PAAF1: variants seen among roughly 807,000 people sequenced by gnomAD.
PAAF1 encodes proteasomal ATPase associated factor 1, also known as proteasomal ATPase-associated factor 1.
In PAAF1, 46 loss-of-function variants were observed where a neutral mutation model predicts 52.8. The ratio of observed to expected loss-of-function variants is 0.87; its 90% CI spans 0.69 to 1.11. PAAF1 has a LOEUF of 1.11. Among genes scored for constraint, PAAF1 ranks in the 50% most tolerant of loss-of-function variants. The pLI is 0.00. For synonymous variants in PAAF1, 178 were observed against 172.8 expected (o/e 1.03, Z -0.24); for missense variants, 424 against 477.4 (o/e 0.89, Z 1.04).
At chr11:73,892,158 A>G (rs953285920) in intron 4 of PAAF1, among the ~76,000 whole-genome samples, 2 of 152,054 alleles carry the variant, frequency 1.3e-5, no homozygotes, top group Non-Finnish European at 2.9e-5. Flanking sequence ...CTCTGTCTCT[A>G]CAGAAAAATA....
At chr11:73,915,428 C>G (rs1464474137) in intron 8 of PAAF1, among the ~76,000 whole-genome samples, 1 of 152,054 alleles carries the variant, frequency 6.6e-6, no homozygotes, top group Admixed American at 6.6e-5. Flanking sequence ...GCAAAAAAAC[C>G]CATCTCTATT....
At chr11:73,894,670 A>T (rs918466275) in intron 4 of PAAF1, among the ~76,000 whole-genome samples, 5 of 152,136 alleles carry the variant, frequency 3.3e-5, no homozygotes, top group Non-Finnish European at 7.4e-5. Context: ...AAAATAAAAA[A>T]AAAATCAGCT....
intron 4 of PAAF1, among the ~76,000 whole-genome samples, chr11:73,894,780 C>T (rs1211053001): frequency 1.3e-5 from 2 of 152,100 alleles, no homozygotes; most frequent in Admixed American, 6.5e-5. Flanking sequence ...GCCGAGGTTG[C>T]GCCACTGCAC....
At chr11:73,894,181 G>A (rs999705960) in intron 4 of PAAF1, among the ~76,000 whole-genome samples, 4 of 152,120 alleles carry the variant, frequency 2.6e-5, no homozygotes, top group Middle Eastern at 3.2e-3. Flanking sequence ...TGGGAATGCC[G>A]CTCACCTTTT....
Position 73,927,367 on chromosome 11 carries a change from T to C in PAAF1, c.*5T>C, listed in dbSNP as rs140098568. On this transcript the variant is annotated 3_prime_UTR_variant, in exon 12 of 12. Coordinates refer to ENST00000310571, the MANE Select transcript of PAAF1 (RefSeq NM_025155.3). The stretch of plus-strand genomic sequence containing the variant: ...TACCAGCTTTCTGACCTCTGACTTC[T>C]TGGAAAGAGCAGTCCCGGTTAGTGA... The C allele has an allele frequency of 2.5e-6, 4 of 1,612,074 alleles. No homozygotes were observed. The African/African-American group carries it at 5.3e-5, about 21-fold the overall frequency.
intron 7 of PAAF1, among the ~76,000 whole-genome samples, chr11:73,912,968 C>G (rs1949972430): frequency 6.6e-6 from 1 of 152,114 alleles, no homozygotes; most frequent in South Asian, 2.1e-4. Context: ...CCTCCACCTC[C>G]TAGGTTCAAG....
At chr11:73,877,509 A>G in intron 1 of PAAF1, among the ~76,000 whole-genome samples, 1 of 152,168 alleles carries the variant, frequency 6.6e-6, no homozygotes, top group East Asian at 1.9e-4. Flanking sequence ...GGAAACTAAT[A>G]CTGTGTCCAG....
chr11:73,877,261 A>G, intron 1 of PAAF1, 193 bp downstream of exon 1: 2 of 468,402 alleles, frequency 4.3e-6, no homozygotes, highest in South Asian at 1.2e-4. Context: ...TCCCTAGGCC[A>G]AGGGAGCACA....
chr11:73,911,835 T>C (rs1949939594), intron 7 of PAAF1, among the ~76,000 whole-genome samples: 1 of 152,010 alleles, frequency 6.6e-6, no homozygotes, highest in African/African-American at 2.4e-5. Context: ...GGTTTCACCA[T>C]GTTGGCCAGG....
intron 10 of PAAF1, among the ~76,000 whole-genome samples, chr11:73,923,370 C>G (rs574794467): frequency 1.1e-3 from 165 of 152,010 alleles, no homozygotes; most frequent in Non-Finnish European, 1.7e-3. Context: ...TAAAGACATT[C>G]GTTTATGCAC....
intron 6 of PAAF1, among the ~76,000 whole-genome samples, chr11:73,901,711 C>A (rs193038057): frequency 6.6e-6 from 1 of 151,808 alleles, no homozygotes; most frequent in African/African-American, 2.4e-5. Context: ...GCTGGGACTA[C>A]GGGTACACGC....
intron 11 of PAAF1, among the ~76,000 whole-genome samples, chr11:73,925,168 A>AC (rs919634909): frequency 1.2e-4 from 18 of 150,984 alleles, no homozygotes; most frequent in East Asian, 9.7e-4. Flanking sequence ...AAAAAAAAAA[A>AC]AAAAAAACAA....
intron 3 of PAAF1, among the ~76,000 whole-genome samples, chr11:73,890,133 C>T (rs922023627): frequency 2.6e-5 from 4 of 152,106 alleles, no homozygotes; most frequent in Non-Finnish European, 5.9e-5. Context: ...GGTTAGGGGT[C>T]ATTTGGTGAG....
At chr11:73,896,547 T>A (rs1949372178) in intron 4 of PAAF1, among the ~76,000 whole-genome samples, 1 of 151,286 alleles carries the variant, frequency 6.6e-6, no homozygotes, top group South Asian at 2.1e-4. Context: ...AAGCACATCT[T>A]GCACCGCCCT....
Position 73,929,552 on chromosome 11 carries a change from A to G in PAAF1, c.*2190A>G, listed in dbSNP as rs1950427115. The G allele has an allele frequency of 6.6e-6, 1 of 152,266 alleles. No homozygotes were observed. The highest frequency in any genetic ancestry group is 2.4e-5 in the African/African-American group (1 of 41,476). 9.4% of individuals were successfully genotyped at this position (152,266 alleles called of 1,614,324 possible). ...AAGGAAACTGAGACTCAATACATTAAATACCAGAGGCTTCATTTGGACCTT... is the reference window on the plus strand; with the variant it reads ...AAGGAAACTGAGACTCAATACATTAGATACCAGAGGCTTCATTTGGACCTT... On this transcript the variant is annotated 3_prime_UTR_variant, in exon 12 of 12. Coordinates refer to ENST00000310571, the MANE Select transcript of PAAF1 (RefSeq NM_025155.3).
At chr11:73,887,256 G>T (rs543066163) in intron 2 of PAAF1, 98 bp from the exon 3 acceptor site, 10 of 786,704 alleles carry the variant, frequency 1.3e-5, no homozygotes, top group Non-Finnish European at 1.8e-5. Flanking sequence ...CCAATTTCAT[G>T]GGTATACTAT....
At chr11:73,917,917 A>G (rs1950109579) in intron 9 of PAAF1, among the ~76,000 whole-genome samples, 1 of 151,640 alleles carries the variant, frequency 6.6e-6, no homozygotes, top group Non-Finnish European at 1.5e-5. Context: ...AGGCACCTGG[A>G]GTCTAATGGT....
At chr11:73,886,876 C>A in intron 2 of PAAF1, 1 of 332,240 alleles carries the variant, frequency 3.0e-6, no homozygotes, top group South Asian at 2.2e-5. Context: ...GATTAATGTC[C>A]TCCCTGGAGA....
At chr11:73,882,827 A>T (rs767226509) in intron 2 of PAAF1, among the ~76,000 whole-genome samples, 2 of 151,556 alleles carry the variant, frequency 1.3e-5, no homozygotes, top group Non-Finnish European at 2.9e-5. Context: ...ATGGTCTCGA[A>T]CTCCTGACCT....
Sources: allele counts gnomAD v4.1 joint callset (sites outside exome capture counted in the v4.1 genomes callset), GRCh38; gene constraint gnomAD v4.1.1; transcripts MANE v1.5; gene names NCBI Gene and HGNC (gene_info 2026-07-23, HGNC 2026-07-21).